The following SGCZ variants were observed in gnomAD, a reference collection of about 807,000 sequenced individuals.
SGCZ encodes zeta-sarcoglycan.
SGCZ carries 40 observed loss-of-function variants against 41.3 expected under a neutral mutation model. The observed-to-expected ratio is 0.97, with a 90% CI of 0.75 to 1.26. The LOEUF (loss-of-function observed/expected upper bound fraction) is 1.26. SGCZ is among the 50% of genes most tolerant of loss of function. SGCZ has a pLI of 0.00. For missense variants in SGCZ, 552 were observed against 369.8 expected, an observed-to-expected ratio of 1.49 and a Z score of -4.04; for synonymous variants, 206 against 137.5, an observed-to-expected ratio of 1.50 and a Z score of -3.49.
intron 2 of SGCZ, among the ~76,000 whole-genome samples, chr8:14,428,985 A>G (rs896922115): frequency 6.6e-6 from 1 of 152,172 alleles, no homozygotes; most frequent in Admixed American, 6.6e-5. Context: ...ATTACGGAAG[A>G]GGTATTTTAC....
intron 1 of SGCZ, among the ~76,000 whole-genome samples, chr8:14,991,421 A>ATTGGAGT (rs1802010689): frequency 6.6e-6 from 1 of 152,188 alleles, no homozygotes; most frequent in South Asian, 2.1e-4. Context: ...GTGTATGAGC[A>ATTGGAGT]TTGGAGTTTG....
chr8:14,177,687 T>TC (rs1175523471), intron 4 of SGCZ, among the ~76,000 whole-genome samples: 7 of 148,080 alleles, frequency 4.7e-5, no homozygotes, highest in Non-Finnish European at 7.5e-5. Flanking sequence ...TTTTTTTTTT[T>TC]TTTTTTTTTT....
intron 3 of SGCZ, 123 bp from the exon 4 acceptor site, chr8:14,237,802 T>A: frequency 1.4e-6 from 1 of 726,002 alleles, no homozygotes; most frequent in Non-Finnish European, 2.2e-6. Context: ...ATTAGACAGT[T>A]AATTTAACGT....
At chr8:14,583,654 C>A (rs1316498456) in intron 1 of SGCZ, among the ~76,000 whole-genome samples, 1 of 152,044 alleles carries the variant, frequency 6.6e-6, no homozygotes, top group African/African-American at 2.4e-5. Context: ...ACGTTTAAGT[C>A]TTTAATCCAT....
At chr8:15,142,012 G>A (rs557175780) in intron 1 of SGCZ, among the ~76,000 whole-genome samples, 2 of 152,272 alleles carry the variant, frequency 1.3e-5, no homozygotes, top group East Asian at 3.9e-4. Context: ...CATCAAGAAA[G>A]CTCAATTGGA....
At chr8:14,652,610 C>A (rs1424943412) in intron 1 of SGCZ, among the ~76,000 whole-genome samples, 1 of 151,920 alleles carries the variant, frequency 6.6e-6, no homozygotes, top group Non-Finnish European at 1.5e-5. Flanking sequence ...ATCTGTTTCC[C>A]ACATAGGAAC....
At chr8:14,128,594 T>C (rs1378829327) in intron 5 of SGCZ, among the ~76,000 whole-genome samples, 3 of 152,140 alleles carry the variant, frequency 2.0e-5, no homozygotes, top group African/African-American at 4.8e-5. Flanking sequence ...AAAATACTTG[T>C]AACTACATGT....
At chr8:14,520,844 A>T (rs1802767055) in intron 2 of SGCZ, among the ~76,000 whole-genome samples, 1 of 152,122 alleles carries the variant, frequency 6.6e-6, no homozygotes, top group Admixed American at 6.6e-5. Flanking sequence ...CACGCTCTCT[A>T]ATAACAGTGC....
chr8:14,365,804 G>C (rs1218761794), intron 2 of SGCZ, among the ~76,000 whole-genome samples: 1 of 151,872 alleles, frequency 6.6e-6, no homozygotes, highest in Admixed American at 6.6e-5. Flanking sequence ...CAAATTTATT[G>C]GGATAAGGCT....
At chr8:14,863,312 T>C (rs1442636469) in intron 1 of SGCZ, among the ~76,000 whole-genome samples, 1 of 152,156 alleles carries the variant, frequency 6.6e-6, no homozygotes, top group African/African-American at 2.4e-5. Flanking sequence ...ATTAAGATGA[T>C]TTTTAATTAC....
intron 1 of SGCZ, among the ~76,000 whole-genome samples, chr8:14,580,951 G>C (rs1804868590): frequency 6.6e-6 from 1 of 152,176 alleles, no homozygotes; most frequent in African/African-American, 2.4e-5. Context: ...AAAGTAAATT[G>C]AAATTAACGG....
At chr8:14,257,330 G>C (rs1018230448) in intron 3 of SGCZ, among the ~76,000 whole-genome samples, 4 of 150,304 alleles carry the variant, frequency 2.7e-5, no homozygotes, top group African/African-American at 9.8e-5. Context: ...CTGGGCAATG[G>C]AGTGAGACCC....
At chr8:14,497,195 G>C (rs908901506) in intron 2 of SGCZ, among the ~76,000 whole-genome samples, 1 of 152,094 alleles carries the variant, frequency 6.6e-6, no homozygotes, top group Non-Finnish European at 1.5e-5. Context: ...TAAAAACAGA[G>C]GTTTATCTTG....
intron 1 of SGCZ, among the ~76,000 whole-genome samples, chr8:14,747,705 T>TTGTGTGTGTG (rs59524830): frequency 4.6e-4 from 63 of 136,614 alleles, no homozygotes; most frequent in Middle Eastern, 7.4e-3. Context: ...GTGTGTGTAT[T>TTGTGTGTGTG]TGTGTGTGTG....
chr8:14,912,707 A>C (rs941933081), intron 1 of SGCZ, among the ~76,000 whole-genome samples: 1 of 152,108 alleles, frequency 6.6e-6, no homozygotes, highest in African/African-American at 2.4e-5. Context: ...AGATGATGGC[A>C]TATCTACAGA....
At chr8:14,127,639 G>A (rs905889390) in intron 5 of SGCZ, among the ~76,000 whole-genome samples, 2 of 151,984 alleles carry the variant, frequency 1.3e-5, no homozygotes, top group Non-Finnish European at 2.9e-5. Flanking sequence ...GTATTTTTTA[G>A]TAGAGACATG....
chr8:14,465,589 CT>C (rs1450086580), intron 2 of SGCZ, among the ~76,000 whole-genome samples: 2 of 151,410 alleles, frequency 1.3e-5, no homozygotes, highest in African/African-American at 4.8e-5. Context: ...TCTTGTATTA[CT>C]GTATCTTTTA....
chr8:14,171,476 A>G (rs1319800550), intron 4 of SGCZ, among the ~76,000 whole-genome samples: 1 of 152,058 alleles, frequency 6.6e-6, no homozygotes, highest in African/African-American at 2.4e-5. Context: ...AACTGGTAGT[A>G]TAATCTCCTA....
chr8:14,479,176 A>C (rs1801449796), intron 2 of SGCZ, among the ~76,000 whole-genome samples: 1 of 152,186 alleles, frequency 6.6e-6, no homozygotes. Flanking sequence ...AAAACCTCAA[A>C]AGTAGTGAAG....
Sources: gnomAD v4.1 joint callset for allele counts (sites outside exome capture counted in the v4.1 genomes callset) on GRCh38, gnomAD v4.1.1 for gene constraint, MANE v1.5 for transcripts, NCBI Gene and HGNC (gene_info 2026-07-23, HGNC 2026-07-21) for gene names.